The following NRG1 variants were observed in gnomAD, a reference collection of about 807,000 sequenced individuals.
The protein encoded by NRG1 is neuregulin 1.
A neutral mutation model predicts 63.8 loss-of-function variants in NRG1; 18 were observed. That is an observed-to-expected ratio of 0.28 (90% CI 0.19 to 0.42). NRG1 has a LOEUF of 0.42. Ranked by LOEUF, NRG1 falls within the 10% of genes least tolerant of loss-of-function variation. NRG1 has a pLI of 1.00. For missense variants in NRG1, 762 were observed against 814.7 expected (o/e 0.94, Z 0.79); for synonymous variants, 302 against 301.3 (o/e 1.00, Z -0.02).
chr8:32,407,988 C>T (rs1009825673), intron 1 of NRG1, among the ~76,000 whole-genome samples: 8 of 152,162 alleles, frequency 5.3e-5, no homozygotes, highest in Admixed American at 5.2e-4. Context: ...AGTCATCCTG[C>T]TGCATTTCCT....
rs58798252 is a variant in NRG1 at position 32,397,524 on chromosome 8, C to CAA, written c.38-198291_38-198290dup. Among the ~76,000 whole-genome samples the CAA allele has an allele frequency of 1.2e-3, 171 of 139,254 alleles. 1 individual carries two copies. The highest frequency in any genetic ancestry group is 2.7e-3 in the African/African-American group (103 of 38,358). 91.4% of individuals were successfully genotyped at this position (139,254 alleles called of 152,430 possible). On this transcript the variant is annotated intron_variant, in intron 1 of 10. Coordinates refer to the NRG1 transcript ENST00000519301. ...ATATGGAGGCAATCTGACTTAACAT[C>CAA]AAAAAAAAAAAAAAGACCATTCATA...
chr8:31,639,507 T>A, intron 1 of NRG1: 1 of 1,519,136 alleles, frequency 6.6e-7, no homozygotes, highest in Non-Finnish European at 8.8e-7. Flanking sequence ...CAACTCCGCC[T>A]CCAGGGCTCT....
intron 1 of NRG1, among the ~76,000 whole-genome samples, chr8:32,562,684 G>C (rs1412158392): frequency 6.6e-6 from 1 of 152,114 alleles, no homozygotes; most frequent in Non-Finnish European, 1.5e-5. Flanking sequence ...GAGAATGTGG[G>C]TAAGTGTGTG....
At chr8:31,779,758 A>T (rs1038918644) in intron 1 of NRG1, among the ~76,000 whole-genome samples, 2 of 152,210 alleles carry the variant, frequency 1.3e-5, no homozygotes, top group Non-Finnish European at 2.9e-5. Context: ...TGCACAAATA[A>T]ACTGTAATAG....
At chr8:32,154,869 G>A (rs949077518) in intron 1 of NRG1, among the ~76,000 whole-genome samples, 2 of 152,110 alleles carry the variant, frequency 1.3e-5, no homozygotes, top group Non-Finnish European at 2.9e-5. Context: ...GATGTTGGGG[G>A]AATCATTTGT....
intron 1 of NRG1, among the ~76,000 whole-genome samples, chr8:31,708,446 GT>G (rs771665636): frequency 0.026 from 2,228 of 85,456 alleles, 32 homozygotes; most frequent in African/African-American, 0.09. Context: ...AAACATAATT[GT>G]TTTTTTTTTT....
chr8:32,101,967 T>C (rs1830635797), intron 1 of NRG1, among the ~76,000 whole-genome samples: 1 of 152,166 alleles, frequency 6.6e-6, no homozygotes, highest in South Asian at 2.1e-4. Flanking sequence ...ATGATGTTTG[T>C]AGGGCTTTTT....
chr8:32,069,030 G>A (rs1363326949), intron 1 of NRG1, among the ~76,000 whole-genome samples: 1 of 152,150 alleles, frequency 6.6e-6, no homozygotes, highest in African/African-American at 2.4e-5. Context: ...ATGGTATCAG[G>A]AAGTTTTTCC....
At chr8:32,736,470 G>A (rs1260671122) in intron 6 of NRG1, among the ~76,000 whole-genome samples, 3 of 152,230 alleles carry the variant, frequency 2.0e-5, no homozygotes, top group African/African-American at 7.2e-5. Flanking sequence ...CACAGAGAGA[G>A]AGCAAAGGCT....
chr8:31,906,530 T>A (rs1336381383), intron 1 of NRG1, among the ~76,000 whole-genome samples: 1 of 152,204 alleles, frequency 6.6e-6, no homozygotes, highest in Non-Finnish European at 1.5e-5. Flanking sequence ...ACAGAATCAC[T>A]GCCTAGATTT....
At chr8:32,096,632 GGTATAGAGAGCCC>G (rs1034126415) in intron 1 of NRG1, among the ~76,000 whole-genome samples, 1 of 152,188 alleles carries the variant, frequency 6.6e-6, no homozygotes, top group African/African-American at 2.4e-5. Flanking sequence ...CATGGAGGAA[GGTATAGAGAGCCC>G]GTATGTGCAG....
intron 1 of NRG1, among the ~76,000 whole-genome samples, chr8:31,746,411 T>C (rs1009460324): frequency 1.3e-5 from 2 of 152,030 alleles, no homozygotes; most frequent in Non-Finnish European, 1.5e-5. Context: ...ACGTTTTTCA[T>C]CACTTCACAC....
At chr8:32,177,270 T>C (rs1164849203) in intron 1 of NRG1, among the ~76,000 whole-genome samples, 4 of 147,540 alleles carry the variant, frequency 2.7e-5, no homozygotes, top group South Asian at 2.2e-4. Context: ...TAGGTGGGAA[T>C]TGAACAATGA....
chr8:32,189,034 G>A (rs952514847), intron 1 of NRG1, among the ~76,000 whole-genome samples: 3 of 152,100 alleles, frequency 2.0e-5, no homozygotes, highest in Non-Finnish European at 4.4e-5. Flanking sequence ...ATGCAACCCT[G>A]GATGGCATCT....
chr8:31,916,774 C>G (rs903370636), intron 1 of NRG1, among the ~76,000 whole-genome samples: 3 of 151,860 alleles, frequency 2.0e-5, no homozygotes, highest in Non-Finnish European at 2.9e-5. Flanking sequence ...CCTGAGGAAT[C>G]GCCACACTGA....
At chr8:31,910,581 A>T (rs1832859161) in intron 1 of NRG1, among the ~76,000 whole-genome samples, 1 of 152,184 alleles carries the variant, frequency 6.6e-6, no homozygotes, top group Non-Finnish European at 1.5e-5. Context: ...CACATTTGAG[A>T]TGCCCAAGAG....
chr8:32,648,779 C>T (rs1240489942), intron 5 of NRG1, among the ~76,000 whole-genome samples: 1 of 152,116 alleles, frequency 6.6e-6, no homozygotes, highest in African/African-American at 2.4e-5. Context: ...TTGTGTCTTT[C>T]TCTTCCCCAT....
chr8:31,689,241 CT>C (rs1809234208), intron 1 of NRG1, among the ~76,000 whole-genome samples: 1 of 152,132 alleles, frequency 6.6e-6, no homozygotes, highest in Admixed American at 6.6e-5. Context: ...GGTTCTAGGG[CT>C]TTGGATGTGA....
chr8:31,977,898 A>G (rs1808458489), intron 1 of NRG1, among the ~76,000 whole-genome samples: 1 of 152,112 alleles, frequency 6.6e-6, no homozygotes, highest in African/African-American at 2.4e-5. Flanking sequence ...CAAATGTTTG[A>G]TGGTTTGTCA....
Sources: allele counts gnomAD v4.1 joint callset (sites outside exome capture counted in the v4.1 genomes callset), GRCh38; gene constraint gnomAD v4.1.1; transcripts MANE v1.5; gene names NCBI Gene and HGNC (gene_info 2026-07-23, HGNC 2026-07-21).